The following AK8 variants were observed in gnomAD, a reference collection of about 807,000 sequenced individuals.
AK8 encodes ATP-AMP transphosphorylase 8.
A neutral mutation model predicts 54.6 loss-of-function variants in AK8; 44 were observed. The observed-to-expected ratio is 0.81, with a 90% CI of 0.63 to 1.04. The LOEUF (loss-of-function observed/expected upper bound fraction) is 1.04. Ranked by LOEUF, AK8 falls within the 50% of genes least tolerant of loss-of-function variation. The pLI is 0.00. For synonymous variants in AK8, 239 were observed against 245.6 expected (o/e 0.97, Z 0.25); for missense variants, 555 against 613.6 (o/e 0.90, Z 1.01).
chr9:132,794,751 C>G (rs1381762652), intron 10 of AK8, among the ~76,000 whole-genome samples: 1 of 152,172 alleles, frequency 6.6e-6, no homozygotes, highest in Non-Finnish European at 1.5e-5. Context: ...ATCAACTTGA[C>G]CAGACTTTGG....
chr9:132,858,596 A>C (rs568613120), intron 4 of AK8, among the ~76,000 whole-genome samples: 1 of 152,292 alleles, frequency 6.6e-6, no homozygotes, highest in East Asian at 1.9e-4. Context: ...TTCTCCATAA[A>C]GGGGCTCCTC....
At chr9:132,778,313 C>A (rs1839313938) in intron 11 of AK8, among the ~76,000 whole-genome samples, 1 of 152,136 alleles carries the variant, frequency 6.6e-6, no homozygotes, top group South Asian at 2.1e-4. Context: ...GAGGCTCAGG[C>A]CCAGAGCTGC....
intron 10 of AK8, among the ~76,000 whole-genome samples, chr9:132,806,968 G>A (rs114453644): frequency 6.2e-4 from 94 of 152,296 alleles, no homozygotes; most frequent in African/African-American, 2.2e-3. Flanking sequence ...GAAATGTTTA[G>A]GAAATGTAGG....
intron 11 of AK8, among the ~76,000 whole-genome samples, chr9:132,757,721 GA>G (rs969440102): frequency 1.3e-5 from 2 of 151,998 alleles, no homozygotes; most frequent in East Asian, 1.9e-4. Context: ...CCAGCCCCCC[GA>G]AACACTAAAA....
rs1268747101 is a variant in AK8, at chr9:132,826,466, T to C, written c.757+388A>G. Among the ~76,000 whole-genome samples the C allele has an allele frequency of 6.6e-6, 1 of 152,058 alleles. No individual in the cohort carries two copies. The highest frequency in any genetic ancestry group is 2.4e-5 in the African/African-American group (1 of 41,392). On this transcript the variant is annotated intron_variant, in intron 8 of 12. Coordinates refer to ENST00000298545, the MANE Select transcript of AK8 (RefSeq NM_152572.3). This position sits in a 1 kb window ranked among gnomAD's most constrained non-coding sequence, Gnocchi z 4.5. The stretch of plus-strand genomic sequence containing the variant: ...TTTATTGTGTTGTGTGTGGTGGTGG[T>C]GGTTTTGTTTTTGTCTTAATCTTTA...
Position 132,860,210 on chromosome 9 carries a change from G to C in AK8, c.333+3455C>G, listed in dbSNP as rs1257506463. The stretch of plus-strand genomic sequence containing the variant: ...GTCCCTGATGGTCCAGTGAGGGAGG[G>C]GCCTGAGCAGGAGAGGGCCCAGGAG... On this transcript the variant is annotated intron_variant, in intron 4 of 12. Transcript: ENST00000298545. The surrounding 1 kb of genome is among the most constrained non-coding windows in gnomAD (Gnocchi z 4.4). 2.0e-5 allele frequency among the ~76,000 whole-genome samples: 3 copies of C among 152,160 alleles called. No individual in the cohort carries two copies. Among genetic ancestry groups the C allele is most frequent in the African/African-American group, 7.2e-5 (3 of 41,444 alleles).
At position 132,850,526 on chromosome 9, in the gene AK8, T is replaced by G. The variant is rs182495030; in HGVS notation, c.402+4331A>C. 2.0e-3 allele frequency among the ~76,000 whole-genome samples: 303 copies of G among 152,024 alleles called. 2 individuals are homozygous for G. The East Asian group carries it at 0.023, about 12-fold the overall frequency. On this transcript the variant is annotated intron_variant, in intron 5 of 12. Transcript: ENST00000298545. Reference sequence around the variant, plus strand: ...ATTGTCCCTGCCTCAGCCTCCCAAGTAGCTGGGATTACAGGCACCCACCAC... The same window carrying G: ...ATTGTCCCTGCCTCAGCCTCCCAAGGAGCTGGGATTACAGGCACCCACCAC...
chr9:132,851,101 T>C (rs1430976321), intron 5 of AK8, among the ~76,000 whole-genome samples: 1 of 152,220 alleles, frequency 6.6e-6, no homozygotes, highest in Non-Finnish European at 1.5e-5. Flanking sequence ...CAGTATCTCC[T>C]GGCCTGGCCT....
At chr9:132,848,115 C>CAAAAAAAAAAAAAAAAA (rs796764891) in intron 5 of AK8, among the ~76,000 whole-genome samples, 8 of 52,536 alleles carry the variant, frequency 1.5e-4, no homozygotes, top group East Asian at 1.3e-3. Context: ...CACCCTGTTT[C>CAAAAAAAAAAAAAAAAA]AAAAAAAAAA....
intron 5 of AK8, among the ~76,000 whole-genome samples, chr9:132,835,354 A>G (rs1446815454): frequency 6.6e-6 from 1 of 152,198 alleles, no homozygotes; most frequent in African/African-American, 2.4e-5. Flanking sequence ...CTGCAGAGAT[A>G]ACTCACTTTG....
At chr9:132,852,230 T>C (rs1357272286) in intron 5 of AK8, among the ~76,000 whole-genome samples, 1 of 152,168 alleles carries the variant, frequency 6.6e-6, no homozygotes, top group Non-Finnish European at 1.5e-5. Flanking sequence ...TCTCAGCACT[T>C]TGGGAGGCCA....
chr9:132,817,969 CA>C (rs772429250), intron 9 of AK8, among the ~76,000 whole-genome samples: 1 of 152,094 alleles, frequency 6.6e-6, no homozygotes, highest in Non-Finnish European at 1.5e-5. Context: ...CAGCTGAGGG[CA>C]GGGGGAGTGC....
At chr9:132,737,448 T>A (rs1051126795) in intron 11 of AK8, among the ~76,000 whole-genome samples, 1 of 152,046 alleles carries the variant, frequency 6.6e-6, no homozygotes, top group Non-Finnish European at 1.5e-5. Context: ...CAGACCAACA[T>A]CCCTCATAAA....
chr9:132,754,384 G>A (rs1838090566), intron 11 of AK8, among the ~76,000 whole-genome samples: 1 of 152,196 alleles, frequency 6.6e-6, no homozygotes, highest in Admixed American at 6.5e-5. Flanking sequence ...GTGATATCCA[G>A]CAGGCCTTTG....
At chr9:132,871,874 A>G (rs939234480) in intron 2 of AK8, among the ~76,000 whole-genome samples, 2 of 152,252 alleles carry the variant, frequency 1.3e-5, no homozygotes, top group African/African-American at 4.8e-5. Flanking sequence ...TGATGTTTAA[A>G]CTTTAAAATT....
At chr9:132,878,289 G>T (rs765305264), upstream of AK8, 3 of 1,333,054 alleles carry the variant, frequency 2.3e-6, no homozygotes, top group Non-Finnish European at 2.9e-6. This position sits in a 1 kb window ranked among gnomAD's most constrained non-coding sequence, Gnocchi z 4.7. Flanking sequence ...CCTAGTAACC[G>T]CGTCGCTAGG....
chr9:132,787,024 G>A (rs1235132400), intron 11 of AK8, among the ~76,000 whole-genome samples: 1 of 152,006 alleles, frequency 6.6e-6, no homozygotes, highest in East Asian at 1.9e-4. Context: ...TAAAAATGTT[G>A]GAAGAGAAAG....
At chr9:132,848,585 T>C (rs1842847372) in intron 5 of AK8, among the ~76,000 whole-genome samples, 1 of 152,176 alleles carries the variant, frequency 6.6e-6, no homozygotes, top group South Asian at 2.1e-4. Context: ...CAGGAATCAC[T>C]TGACTCTCCC....
chr9:132,734,702 C>G (rs1369457209), intron 11 of AK8, among the ~76,000 whole-genome samples: 1 of 152,142 alleles, frequency 6.6e-6, no homozygotes, highest in Non-Finnish European at 1.5e-5. Flanking sequence ...CACCACTGTA[C>G]TCCGGCCTGG....
Sources: allele counts gnomAD v4.1 joint callset (sites outside exome capture counted in the v4.1 genomes callset), GRCh38; gene constraint gnomAD v4.1.1; non-coding constraint Gnocchi (gnomAD v3.1); transcripts MANE v1.5; gene names NCBI Gene and HGNC (gene_info 2026-07-23, HGNC 2026-07-21).